Variants in NEK1 observed in about 807,000 individuals in gnomAD.
NEK1 encodes the protein serine/threonine-protein kinase Nek1.
Under a neutral mutation model 182.1 loss-of-function variants are expected in NEK1, and 137 were observed. The observed-to-expected ratio is 0.75, with a 90% CI of 0.65 to 0.87. The LOEUF (loss-of-function observed/expected upper bound fraction) is 0.87, where lower values mean the gene tolerates loss of function less well. Among genes scored for constraint, NEK1 ranks in the 40% least tolerant of loss-of-function variants. The probability of loss-of-function intolerance (pLI) is 0.00; values close to 1 mark genes in which losing one functional copy is unlikely to be tolerated. For synonymous variants in NEK1, 513 were observed against 492.2 expected (o/e 1.04, Z -0.56); for missense variants, 1,391 against 1,494.4 (o/e 0.93, Z 1.14).
At chr4:169,552,454 T>G (rs1270080578) in intron 18 of NEK1, among the ~76,000 whole-genome samples, 1 of 151,896 alleles carries the variant, frequency 6.6e-6, no homozygotes, top group African/African-American at 2.4e-5. Context: ...CTTCCACAAT[T>G]TCATAAAGAA....
Position 169,394,366 on chromosome 4 carries a change from C to T in NEK1, c.*144G>A. 1.8e-6 allele frequency: 1 copy of T among 541,038 alleles called. No homozygotes were observed. Among genetic ancestry groups the T allele is most frequent in the African/African-American group, 2.0e-5 (1 of 50,068 alleles). The allele number at this position is 541,038 out of a possible 1,614,324, so 33.5% of individuals were successfully genotyped here. A position where few individuals can be genotyped will look rare whatever the true frequency, so the allele number is the denominator to read the frequency against. On this transcript the variant is annotated 3_prime_UTR_variant, in exon 36 of 36. Coordinates refer to ENST00000507142, the MANE Select transcript of NEK1 (RefSeq NM_001199397.3). ...TTCACTGAAAAATGGCATGTTTCTC[C>T]ATCTTTTTCATGCAATAAGAAAGTC... is the stretch of plus-strand genomic sequence containing the variant.
chr4:169,521,748 T>C (rs1756091512), intron 19 of NEK1, among the ~76,000 whole-genome samples: 1 of 152,218 alleles, frequency 6.6e-6, no homozygotes, highest in African/African-American at 2.4e-5. Flanking sequence ...CTGAAAAATG[T>C]TGTACCACTT....
At chr4:169,449,090 G>A (rs1245410788) in intron 27 of NEK1, among the ~76,000 whole-genome samples, 1 of 152,260 alleles carries the variant, frequency 6.6e-6, no homozygotes, top group Non-Finnish European at 1.5e-5. Flanking sequence ...CCAGGCAGCA[G>A]CCTGACTCGG....
intron 23 of NEK1, among the ~76,000 whole-genome samples, chr4:169,500,997 A>G (rs1168404889): frequency 6.6e-6 from 1 of 152,230 alleles, no homozygotes; most frequent in African/African-American, 2.4e-5. Flanking sequence ...ACCATCTGCT[A>G]TCTTCAAGAG....
intron 4 of NEK1, among the ~76,000 whole-genome samples, chr4:169,599,921 T>C (rs1462722086): frequency 2.6e-5 from 4 of 151,904 alleles, no homozygotes; most frequent in Non-Finnish European, 4.4e-5. Context: ...AAAAAGTGTC[T>C]CAATATTTTG....
intron 23 of NEK1, among the ~76,000 whole-genome samples, chr4:169,487,988 T>C (rs1219495136): frequency 6.6e-6 from 1 of 152,230 alleles, no homozygotes; most frequent in Non-Finnish European, 1.5e-5. Flanking sequence ...TTTATGTCCT[T>C]TGCCCATTTT....
At chr4:169,566,339 G>A (rs1763671412) in intron 12 of NEK1, among the ~76,000 whole-genome samples, 1 of 152,080 alleles carries the variant, frequency 6.6e-6, no homozygotes, top group African/African-American at 2.4e-5. Context: ...AAAATACTAA[G>A]CTGTTCCTCT....
At chr4:169,556,941 C>T (rs1262354827) in intron 16 of NEK1, among the ~76,000 whole-genome samples, 1 of 151,938 alleles carries the variant, frequency 6.6e-6, no homozygotes, top group African/African-American at 2.4e-5. Context: ...ACAAGGAAGG[C>T]AAAGTATTAA....
chr4:169,403,397 T>G (rs1462946539), intron 32 of NEK1, among the ~76,000 whole-genome samples: 1 of 151,890 alleles, frequency 6.6e-6, no homozygotes. Context: ...GCGAGACCCC[T>G]CTAGAAAAAA....
chr4:169,422,775 G>T (rs1389084325), intron 31 of NEK1, among the ~76,000 whole-genome samples: 1 of 152,094 alleles, frequency 6.6e-6, no homozygotes, highest in East Asian at 1.9e-4. Flanking sequence ...AACTCTTAAG[G>T]TCATAAAAGA....
chr4:169,565,521 G>T (rs991650214), intron 12 of NEK1, among the ~76,000 whole-genome samples: 1 of 152,132 alleles, frequency 6.6e-6, no homozygotes, highest in Non-Finnish European at 1.5e-5. Flanking sequence ...ACATTTCAAG[G>T]TATGTTCTAT....
At chr4:169,489,689 T>C (rs1749705682) in intron 23 of NEK1, among the ~76,000 whole-genome samples, 1 of 152,140 alleles carries the variant, frequency 6.6e-6, no homozygotes, top group Non-Finnish European at 1.5e-5. Context: ...GTTGCCACTA[T>C]GCCCTACTGG....
chr4:169,508,958 CATTT>C (rs1368142822), intron 19 of NEK1, 106 bp from the exon 20 acceptor site: 8 of 837,792 alleles, frequency 9.5e-6, no homozygotes, highest in African/African-American at 1.7e-5. Flanking sequence ...AAATACTGAC[CATTT>C]ATTGATGATA....
chr4:169,530,641 T>C (rs1355086126), intron 19 of NEK1, among the ~76,000 whole-genome samples: 2 of 133,246 alleles, frequency 1.5e-5, no homozygotes, highest in African/African-American at 5.0e-5. Context: ...TCAAGGAACA[T>C]ATGTATGTAT....
intron 26 of NEK1, among the ~76,000 whole-genome samples, chr4:169,468,105 GAAC>G (rs1745266222): frequency 6.6e-6 from 1 of 151,930 alleles, no homozygotes; most frequent in African/African-American, 2.4e-5. Flanking sequence ...TTTTTAAAAA[GAAC>G]AAGCTATTAA....
chr4:169,555,946 T>C lies in NEK1; in HGVS notation c.1416A>G (p.Arg472=). ...EAKWKREIYG[R]GLPERGILPG... is the part of the protein sequence containing the mutation. ...CATAGCCATACCTTTCTGGAAGACC[T>C]CGACCATATATTTCTCTTTTCCATT... Residue 472 remains arginine, a synonymous_variant, in exon 17 of 36, where the codon CGA becomes CGG. Coordinates refer to ENST00000507142, the MANE Select transcript of NEK1 (RefSeq NM_001199397.3). 1 of 1,613,652 alleles carries C rather than the reference T, an allele frequency of 6.2e-7. No homozygotes were observed.
At chr4:169,568,031 A>G (rs1210309052) in intron 12 of NEK1, among the ~76,000 whole-genome samples, 2 of 152,352 alleles carry the variant, frequency 1.3e-5, no homozygotes, top group East Asian at 3.9e-4. Context: ...CAGATTATAC[A>G]CTTGGCTACA....
intron 27 of NEK1, among the ~76,000 whole-genome samples, chr4:169,459,624 CA>C (rs1266157023): frequency 6.6e-6 from 1 of 152,194 alleles, no homozygotes; most frequent in East Asian, 1.9e-4. Flanking sequence ...TGGAAGCAAT[CA>C]CGATGTCTTT....
rs756825163 is a variant in NEK1, at chr4:169,577,051, C to T, written c.897G>A (p.Ser299=). The T allele has an allele frequency of 2.1e-5, 34 of 1,613,234 alleles. 1 individual carries two copies. Among genetic ancestry groups the T allele is most frequent in the South Asian group, 5.5e-5 (5 of 91,058 alleles). Residue 299 remains serine (S), a synonymous_variant, in exon 12 of 36, where the codon TCG becomes TCA. Coordinates refer to ENST00000507142, the MANE Select transcript of NEK1 (RefSeq NM_001199397.3). Reference sequence around the variant, plus strand: ...TTTTCTGAGCAGGCATAACAGAAATCGAGTTTTGTCCTGAAGCTGGTCTTT... The same window carrying T: ...TTTTCTGAGCAGGCATAACAGAAATTGAGTTTTGTCCTGAAGCTGGTCTTT... The part of the protein sequence containing the change: ...PAKRPASGQN[S]ISVMPAQKIT...
Sources: allele counts gnomAD v4.1 joint callset (sites outside exome capture counted in the v4.1 genomes callset), GRCh38; gene constraint gnomAD v4.1.1; transcripts MANE v1.5; gene names NCBI Gene and HGNC (gene_info 2026-07-23, HGNC 2026-07-21).